WDR59: variants seen among roughly 807,000 people sequenced by gnomAD.
WDR59 encodes WD repeat domain 59.
Under a neutral mutation model 131.2 loss-of-function variants are expected in WDR59, and 100 were observed. The ratio of observed to expected loss-of-function variants is 0.76; its 90% CI spans 0.65 to 0.90. WDR59 has a LOEUF of 0.90. Among genes scored for constraint, WDR59 ranks in the 40% least tolerant of loss-of-function variants. The probability of loss-of-function intolerance (pLI) is 0.00; values close to 1 mark genes in which losing one functional copy is unlikely to be tolerated. For synonymous variants in WDR59, 601 were observed against 466.2 expected (o/e 1.29, Z -3.72); for missense variants, 1,203 against 1,262.2 (o/e 0.95, Z 0.71).
At chr16:74,955,750 CT>C (rs2033258506) in intron 3 of WDR59, among the ~76,000 whole-genome samples, 1 of 152,088 alleles carries the variant, frequency 6.6e-6, no homozygotes, top group African/African-American at 2.4e-5. Context: ...GGTCCTGCCC[CT>C]GGTGAATCAG....
At chr16:74,874,957 C>T (rs1361219979) in intron 25 of WDR59, among the ~76,000 whole-genome samples, 4 of 152,138 alleles carry the variant, frequency 2.6e-5, no homozygotes, top group Non-Finnish European at 5.9e-5. Flanking sequence ...CTGCTGAGTA[C>T]TGTATTTTCT....
intron 1 of WDR59, among the ~76,000 whole-genome samples, chr16:74,979,742 T>C (rs562141541): frequency 6.7e-6 from 1 of 149,100 alleles, no homozygotes; most frequent in East Asian, 2.1e-4. Context: ...GGTTTCACCA[T>C]ATTGGCCAGG....
intron 2 of WDR59, among the ~76,000 whole-genome samples, chr16:74,958,612 A>AAAAAAAAAAAAAAAAAAAAAAG: frequency 6.9e-6 from 1 of 143,962 alleles, no homozygotes; most frequent in Non-Finnish European, 1.5e-5. Context: ...AAAAAAAAAA[A>AAAAAAAAAAAAAAAAAAAAAAG]AAAAAAAACA....
intron 8 of WDR59, among the ~76,000 whole-genome samples, chr16:74,932,463 ACAC>A (rs755541052): frequency 7.4e-5 from 11 of 148,586 alleles, no homozygotes; most frequent in Non-Finnish European, 6.0e-5. Context: ...ACACACACAC[ACAC>A]AACTATCCTG....
At chr16:74,976,375 G>A (rs1597822866) in intron 1 of WDR59, among the ~76,000 whole-genome samples, 1 of 151,468 alleles carries the variant, frequency 6.6e-6, no homozygotes, top group Non-Finnish European at 1.5e-5. Flanking sequence ...TCAATTTCAA[G>A]ATAAAAGAAA....
intron 8 of WDR59, among the ~76,000 whole-genome samples, chr16:74,936,768 T>G (rs1480463706): frequency 6.6e-6 from 1 of 151,032 alleles, no homozygotes; most frequent in Non-Finnish European, 1.5e-5. Flanking sequence ...GAGGTTGCAG[T>G]GAGCCGAGAT....
intron 13 of WDR59, 77 bp from the exon 14 acceptor site, chr16:74,912,439 G>T (rs1350424905): frequency 1.4e-6 from 2 of 1,454,210 alleles, no homozygotes; most frequent in Non-Finnish European, 1.9e-6. Flanking sequence ...TTAACTGAAC[G>T]CTCCATGTTC....
chr16:74,875,776 C>T (rs562958819), intron 25 of WDR59, among the ~76,000 whole-genome samples: 1 of 152,320 alleles, frequency 6.6e-6, no homozygotes, highest in East Asian at 1.9e-4. Context: ...AACCTCTACC[C>T]TGGATGACCC....
At chr16:74,926,899 C>T (rs2030866799) in intron 8 of WDR59, among the ~76,000 whole-genome samples, 1 of 152,078 alleles carries the variant, frequency 6.6e-6, no homozygotes, top group South Asian at 2.1e-4. Flanking sequence ...TATAAATGAG[C>T]CAAGCTGGAA....
In WDR59 at chr16:74,937,229, C is replaced by T. The variant is rs1301045806; in HGVS notation, c.651+921G>A. Among the ~76,000 whole-genome samples, 6 of 152,148 alleles carry T rather than the reference C, an allele frequency of 3.9e-5. No individual in the cohort carries two copies. The East Asian group carries it at 1.2e-3, about 29-fold the overall frequency. ...AAACAACACTGTACCTTGTGATAAA[C>T]CAGAAATAATCGGGTTACTGAAACA... On this transcript the variant is annotated intron_variant, in intron 8 of 25. Transcript: ENST00000262144.
chr16:74,947,323 C>T (rs962048731), intron 6 of WDR59, among the ~76,000 whole-genome samples: 1 of 152,122 alleles, frequency 6.6e-6, no homozygotes, highest in South Asian at 2.1e-4. Flanking sequence ...TGGCACATGC[C>T]TGTAGTCCCG....
chr16:74,908,184 GA>G (rs35673367), intron 17 of WDR59, among the ~76,000 whole-genome samples: 54,187 of 151,972 alleles, frequency 0.36, 9,680 homozygotes, highest in African/African-American at 0.39. Context: ...TTGAGAGGCT[GA>G]GGCAGGTGGA....
At chr16:74,938,337 G>C (rs1306762438) in intron 7 of WDR59, 71 bp from the exon 8 acceptor site, 2 of 1,079,454 alleles carry the variant, frequency 1.9e-6, no homozygotes, top group Non-Finnish European at 1.3e-6. Flanking sequence ...GTAAAAGTCT[G>C]CTAGGTAGTG....
chr16:74,948,088 C>T (rs978728238), intron 6 of WDR59, among the ~76,000 whole-genome samples: 1 of 151,922 alleles, frequency 6.6e-6, no homozygotes, highest in Non-Finnish European at 1.5e-5. Flanking sequence ...AAAAAAATCA[C>T]AAGGGGGATG....
At chr16:74,966,141 T>C (rs2033766393) in intron 1 of WDR59, among the ~76,000 whole-genome samples, 1 of 152,148 alleles carries the variant, frequency 6.6e-6, no homozygotes, top group South Asian at 2.1e-4. Flanking sequence ...TGCTACCTGT[T>C]ACCCCCACAC....
intron 18 of WDR59, among the ~76,000 whole-genome samples, chr16:74,902,879 A>G (rs1407793095): frequency 6.6e-6 from 1 of 152,144 alleles, no homozygotes; most frequent in Admixed American, 6.5e-5. Context: ...GCAGAATTCC[A>G]TCAGAGATGT....
intron 1 of WDR59, among the ~76,000 whole-genome samples, chr16:74,967,420 G>C (rs1325043747): frequency 6.6e-6 from 1 of 152,136 alleles, no homozygotes; most frequent in African/African-American, 2.4e-5. Context: ...GTCTGTGGTA[G>C]GCAGAATCCT....
At chr16:74,978,669 A>G (rs1226532135) in intron 1 of WDR59, among the ~76,000 whole-genome samples, 1 of 152,224 alleles carries the variant, frequency 6.6e-6, no homozygotes, top group Non-Finnish European at 1.5e-5. Flanking sequence ...GTTCTACATC[A>G]TGATTACGGC....
chr16:74,874,594 AT>A, intron 25 of WDR59, 150 bp from the exon 26 acceptor site: 3 of 688,506 alleles, frequency 4.4e-6, no homozygotes, highest in Non-Finnish European at 7.1e-6. Flanking sequence ...TGTTTTTTTT[AT>A]TTTTATTTTT....
Sources: gnomAD v4.1 joint callset for allele counts (sites outside exome capture counted in the v4.1 genomes callset) on GRCh38, gnomAD v4.1.1 for gene constraint, MANE v1.5 for transcripts, NCBI Gene and HGNC (gene_info 2026-07-23, HGNC 2026-07-21) for gene names.